Variants in TTC23 observed in about 807,000 individuals in gnomAD.
The protein encoded by TTC23 is tetratricopeptide repeat protein 23.
In TTC23, 58 loss-of-function variants were observed where a neutral mutation model predicts 55.1. The ratio of observed to expected loss-of-function variants is 1.05; its 90% CI spans 0.85 to 1.31. The LOEUF (loss-of-function observed/expected upper bound fraction) is 1.31, where lower values mean the gene tolerates loss of function less well. Among genes scored for constraint, TTC23 ranks in the 50% most tolerant of loss-of-function variants. The pLI is 0.00. For missense variants in TTC23, 516 were observed against 534.4 expected, an observed-to-expected ratio of 0.97 and a Z score of 0.34; for synonymous variants, 203 against 199.9, an observed-to-expected ratio of 1.02 and a Z score of -0.13.
intron 8 of TTC23, among the ~76,000 whole-genome samples, chr15:99,204,360 A>T (rs2076434623): frequency 6.6e-6 from 1 of 151,226 alleles, no homozygotes; most frequent in African/African-American, 2.4e-5. Context: ...AGTTGTTTGA[A>T]CTCCTTATTT....
intron 5 of TTC23, among the ~76,000 whole-genome samples, chr15:99,225,605 C>T (rs72756889): frequency 0.078 from 11,884 of 152,138 alleles, 738 homozygotes; most frequent in East Asian, 0.3. Flanking sequence ...TGAACCCATA[C>T]TGATAGGAAT....
At position 99,139,375 on chromosome 15, in the gene TTC23, A is replaced by G. The variant is rs782532543; in HGVS notation, c.1168T>C (p.Tyr390His). ...KKCLQIQTLL[Y>H]GPQDKRTLAT... ...AGAGTCCTTTTGTCCTGCGGTCCAT[A>G]TAAGAGGGTCTGGATCTGGAGACAC... Residue 390 changes from tyrosine to histidine, a missense_variant, in exon 13 of 14, where the codon TAT (tyrosine) becomes CAT (histidine). Coordinates refer to ENST00000394132, the MANE Select transcript of TTC23 (RefSeq NM_001288615.3). 5 of 1,614,136 alleles carry G rather than the reference A, an allele frequency of 3.1e-6. No homozygotes were observed. The highest frequency in any genetic ancestry group is 4.5e-5 in the East Asian group (2 of 44,878).
chr15:99,214,240 G>A (rs954792743), intron 8 of TTC23, among the ~76,000 whole-genome samples: 2 of 151,914 alleles, frequency 1.3e-5, no homozygotes, highest in Non-Finnish European at 2.9e-5. Context: ...GGGTGCGGTG[G>A]CTCACGCCTG....
At chr15:99,191,272 A>G (rs184109017) in intron 9 of TTC23, among the ~76,000 whole-genome samples, 1 of 152,294 alleles carries the variant, frequency 6.6e-6, no homozygotes, top group Admixed American at 6.5e-5. Flanking sequence ...TTCTAGGAAG[A>G]CCTATGAACT....
At position 99,175,080 on chromosome 15, in the gene TTC23, C is replaced by T; in HGVS notation, c.835G>A (p.Ala279Thr). The T allele has an allele frequency of 6.2e-7, 1 of 1,614,182 alleles. No individual in the cohort carries two copies. Among genetic ancestry groups the T allele is most frequent in the Non-Finnish European group, 8.5e-7 (1 of 1,180,044 alleles). ...TGCTCGTGTCTCCCTGAAGCGACAG[C>T]AGCATGGGCGACGATGTGTGCCGAG... The part of the protein sequence containing the change: ...ADSAHIVAHA[A>T]VASGRHEHHD... The change falls in exon 10 of 14, where the codon GCT becomes ACT. Residue 279 changes from alanine (A) to threonine (T), a missense_variant. Transcript: ENST00000394132.
At position 99,156,286 on chromosome 15, in the gene TTC23, C is replaced by G. The variant is rs547786597; in HGVS notation, c.1005G>C (p.Ser335=). ...QMTGQKERAT[S]ILRESLEAKV... ...TGGCTTCCAGGGACTCTCTCAGGAT[C>G]GAGGTTGCTCTCTGTGAAAGGAACA... The change falls in exon 12 of 14, where the codon TCG becomes TCC. Residue 335 remains serine, a synonymous_variant. Coordinates refer to ENST00000394132, the MANE Select transcript of TTC23 (RefSeq NM_001288615.3). The G allele has an allele frequency of 3.7e-6, 6 of 1,614,110 alleles. No homozygotes were observed. The South Asian group carries it at 6.6e-5, about 18-fold the overall frequency.
intron 6 of TTC23, 61 bp downstream of exon 6, chr15:99,221,680 A>G (rs139718208): frequency 9.4e-6 from 15 of 1,603,738 alleles, no homozygotes; most frequent in South Asian, 3.3e-5. Context: ...GTGTGAATCA[A>G]ATTTTGGGGA....
chr15:99,229,000 A>G (rs1596931597), intron 4 of TTC23, among the ~76,000 whole-genome samples: 1 of 152,150 alleles, frequency 6.6e-6, no homozygotes, highest in Non-Finnish European at 1.5e-5. Context: ...ACATACATGT[A>G]TATGTGTATG....
In TTC23 at chr15:99,249,348, T is replaced by C. The variant is rs749214919; in HGVS notation, c.-608A>G. The C allele has an allele frequency of 2.6e-4, 39 of 152,224 alleles. No individual in the cohort carries two copies. Among genetic ancestry groups the C allele is most frequent in the Admixed American group, 5.9e-4 (9 of 15,282 alleles). The allele number at this position is 152,224 out of a possible 1,614,324, so 9.4% of individuals were successfully genotyped here. On this transcript the variant is annotated 5_prime_UTR_variant, in exon 1 of 14. Coordinates refer to ENST00000394132, the MANE Select transcript of TTC23 (RefSeq NM_001288615.3). ...TTGTAAAAAACCGGAAAAGTTTCTG[T>C]AACTCTCCAATCTCCAACTATGTCG...
At chr15:99,244,184 A>G (rs978116139) in intron 2 of TTC23, among the ~76,000 whole-genome samples, 1 of 152,192 alleles carries the variant, frequency 6.6e-6, no homozygotes, top group African/African-American at 2.4e-5. Flanking sequence ...TAAAGCTAAT[A>G]TCATACTTAA....
intron 12 of TTC23, among the ~76,000 whole-genome samples, chr15:99,153,960 T>C (rs1670221): frequency 0.56 from 85,628 of 152,150 alleles, 24,152 homozygotes; most frequent in Middle Eastern, 0.66. Context: ...CAAATCTCCA[T>C]GCAAATAAAT....
chr15:99,169,728 T>C (rs1235578010), intron 10 of TTC23, among the ~76,000 whole-genome samples: 1 of 152,208 alleles, frequency 6.6e-6, no homozygotes, highest in Non-Finnish European at 1.5e-5. Context: ...CTGACATTTT[T>C]CCAGTCTACT....
chr15:99,249,554 CTT>C lies in TTC23; in HGVS notation c.-816_-815del, dbSNP rs2080547109. ...TAAAGTAGGGCAGTTCCGGAGCAGCCTTTTCCCATAAAGCAAGCGGGTACCTC... is the reference window on the plus strand; with the variant it reads ...TAAAGTAGGGCAGTTCCGGAGCAGCCTTCCCATAAAGCAAGCGGGTACCTC... On this transcript the variant is annotated 5_prime_UTR_variant, in exon 1 of 14. An upstream open reading frame in the 5' UTR loses its in-frame stop. Coordinates refer to ENST00000394132, the MANE Select transcript of TTC23 (RefSeq NM_001288615.3). The C allele has an allele frequency of 6.6e-6, 1 of 152,170 alleles. No homozygotes were observed. Among genetic ancestry groups the C allele is most frequent in the African/African-American group, 2.4e-5 (1 of 41,428 alleles). The allele number at this position is 152,170 out of a possible 1,614,324, so 9.4% of individuals were successfully genotyped here.
chr15:99,147,129 A>G (rs2068984513), intron 12 of TTC23, among the ~76,000 whole-genome samples: 2 of 148,720 alleles, frequency 1.3e-5, no homozygotes, highest in Admixed American at 1.3e-4. Flanking sequence ...TGGCCAGTCT[A>G]GTCCTGAACT....
At chr15:99,201,193 TAAGTA>T (rs147987673) in intron 8 of TTC23, among the ~76,000 whole-genome samples, 2,990 of 152,318 alleles carry the variant, frequency 0.02, 102 homozygotes, top group African/African-American at 0.068. Context: ...TTAGAAATTA[TAAGTA>T]AAGGTGGCAG....
chr15:99,240,063 T>G (rs556647718), intron 3 of TTC23, among the ~76,000 whole-genome samples: 2 of 152,238 alleles, frequency 1.3e-5, no homozygotes, highest in African/African-American at 2.4e-5. Context: ...ATGCTGTTGC[T>G]TTGGAAACCT....
chr15:99,177,477 T>C (rs1192139507), intron 9 of TTC23, among the ~76,000 whole-genome samples: 1 of 152,144 alleles, frequency 6.6e-6, no homozygotes, highest in East Asian at 1.9e-4. Context: ...GCCACAGGGA[T>C]AGAGTCAAAT....
chr15:99,204,303 A>G (rs1405682892), intron 8 of TTC23, among the ~76,000 whole-genome samples: 3 of 152,062 alleles, frequency 2.0e-5, no homozygotes, highest in Non-Finnish European at 4.4e-5. Context: ...AGAAATGTCT[A>G]TTCAGATCTT....
Position 99,144,348 on chromosome 15 carries a change from G to A in TTC23, c.1144-4949C>T, listed in dbSNP as rs576405885. 10 of 152,108 alleles carry A rather than the reference G, an allele frequency of 6.6e-5. No homozygotes were observed. The South Asian group carries it at 1.0e-3, about 16-fold the overall frequency. 9.4% of individuals were successfully genotyped at this position (152,108 alleles called of 1,614,324 possible). A position where few individuals can be genotyped will look rare whatever the true frequency, so the allele number is the denominator to read the frequency against. On this transcript the variant is annotated intron_variant, in intron 12 of 13. Transcript: ENST00000394132. ...CTATGGGATCAGGGTTAGGTGACTC[G>A]GTATACTCTCATTTAAAAACCCACA...
Sources: gnomAD v4.1 joint callset for allele counts (sites outside exome capture counted in the v4.1 genomes callset) on GRCh38, gnomAD v4.1.1 for gene constraint, MANE v1.5 for transcripts, NCBI Gene and HGNC (gene_info 2026-07-23, HGNC 2026-07-21) for gene names.